HOOK3: variants seen among roughly 807,000 people sequenced by gnomAD.
HOOK3 encodes the protein protein Hook homolog 3.
In HOOK3, 24 loss-of-function variants were observed where a neutral mutation model predicts 116.3. That is an observed-to-expected ratio of 0.21 (90% confidence interval 0.15 to 0.29). The LOEUF (loss-of-function observed/expected upper bound fraction) is 0.29, where lower values mean the gene tolerates loss of function less well. Among genes scored for constraint, HOOK3 ranks in the 10% least tolerant of loss-of-function variants. The pLI, the probability that HOOK3 is intolerant of heterozygous loss-of-function variation, is 1.00. For missense variants in HOOK3, 632 were observed against 830.2 expected (o/e 0.76, Z 2.93); for synonymous variants, 275 against 283.0 (o/e 0.97, Z 0.28).
At chr8:42,946,275 C>T (rs538080662) in intron 5 of HOOK3, among the ~76,000 whole-genome samples, 7 of 152,086 alleles carry the variant, frequency 4.6e-5, no homozygotes, top group African/African-American at 1.7e-4. Context: ...AGGGGGACAG[C>T]CTGGGTTTGG....
chr8:43,028,623 A>G lies in HOOK3; in HGVS notation c.*10125A>G, dbSNP rs1809975310. On this transcript the variant is annotated 3_prime_UTR_variant, in exon 22 of 22. Transcript: ENST00000307602. ...CTTATTAACTTGTATTATGAATCAA[A>G]TTAAGTTTTATGTATAAGGCATTTA... The G allele has an allele frequency of 5.2e-6, 1 of 190,772 alleles. No homozygotes were observed. The highest frequency in any genetic ancestry group is 1.1e-5 in the Non-Finnish European group (1 of 91,160). The allele number at this position is 190,772 out of a possible 1,614,324, so 11.8% of individuals were successfully genotyped here. A position where few individuals can be genotyped will look rare whatever the true frequency, so the allele number is the denominator to read the frequency against.
chr8:42,997,911 C>T, intron 16 of HOOK3: 1 of 328,668 alleles, frequency 3.0e-6, no homozygotes, highest in South Asian at 2.9e-5. Context: ...GTGCTCAACT[C>T]AGTGTTCAAA....
In HOOK3 at chr8:42,981,549, G is replaced by A. The variant is rs189484306; in HGVS notation, c.1322-1078G>A. Among the ~76,000 whole-genome samples the A allele has an allele frequency of 5.0e-3, 755 of 152,146 alleles. 7 individuals carry two copies. Among genetic ancestry groups the A allele is most frequent in the Middle Eastern group, 0.014 (4 of 294 alleles). ...ACAGTGTGAAAGTTCAGCAATACAG[G>A]AATAGTATTCTTATTCAACTGTATA... is the stretch of plus-strand genomic sequence containing the variant. On this transcript the variant is annotated intron_variant, in intron 13 of 21. Transcript: ENST00000307602.
chr8:43,018,885 A>T lies in HOOK3; in HGVS notation c.*387A>T, dbSNP rs1032442647. ...GTGCCTGTGTGTTACCATGCTAAGA[A>T]TGTCTTTGTTTAAAGGGAATTAATC... On this transcript the variant is annotated 3_prime_UTR_variant, in exon 22 of 22. Coordinates refer to ENST00000307602, the MANE Select transcript of HOOK3 (RefSeq NM_032410.4). The T allele has an allele frequency of 1.3e-5, 3 of 230,504 alleles. No homozygotes were observed. The East Asian group carries it at 1.9e-4, about 15-fold the overall frequency. The allele number at this position is 230,504 out of a possible 1,614,324, so 14.3% of individuals were successfully genotyped here. A position where few individuals can be genotyped will look rare whatever the true frequency, so the allele number is the denominator to read the frequency against.
In HOOK3 at chr8:43,026,221, C is replaced by T. The variant is rs975831674; in HGVS notation, c.*7723C>T. The T allele has an allele frequency of 6.0e-5, 12 of 201,324 alleles. No individual in the cohort carries two copies. The East Asian group carries it at 9.3e-4, about 16-fold the overall frequency. The allele number at this position is 201,324 out of a possible 1,614,324, so 12.5% of individuals were successfully genotyped here. On this transcript the variant is annotated 3_prime_UTR_variant, in exon 22 of 22. Coordinates refer to ENST00000307602, the MANE Select transcript of HOOK3 (RefSeq NM_032410.4). ...GTCAACCCATGGGTAGTGATTACTCCGTGTACATTCTATAGTGTGTGTATT... is the reference window on the plus strand; with the variant it reads ...GTCAACCCATGGGTAGTGATTACTCTGTGTACATTCTATAGTGTGTGTATT...
At chr8:43,014,571 C>T (rs1417374476) in intron 21 of HOOK3, among the ~76,000 whole-genome samples, 3 of 151,738 alleles carry the variant, frequency 2.0e-5, no homozygotes, top group South Asian at 2.1e-4. Context: ...AGGCTGGTCT[C>T]GAACTCCTGA....
chr8:42,940,361 A>C (rs529968182), intron 4 of HOOK3, among the ~76,000 whole-genome samples: 1 of 152,352 alleles, frequency 6.6e-6, no homozygotes, highest in Non-Finnish European at 1.5e-5. Context: ...GCGCGCCCGC[A>C]ATCGCAGGCA....
At chr8:43,017,143 C>G (rs529067011) in intron 21 of HOOK3, among the ~76,000 whole-genome samples, 1 of 152,240 alleles carries the variant, frequency 6.6e-6, no homozygotes, top group Non-Finnish European at 1.5e-5. Context: ...TTCCACCTGG[C>G]TCTCCTTTTG....
chr8:42,959,838 A>G (rs947036545), intron 8 of HOOK3, among the ~76,000 whole-genome samples: 1 of 151,962 alleles, frequency 6.6e-6, no homozygotes, highest in African/African-American at 2.4e-5. Context: ...TTGACTAAAG[A>G]GGGGGACATA....
At position 43,021,222 on chromosome 8, in the gene HOOK3, C is replaced by A; in HGVS notation, c.*2724C>A. ...TTCTATTTACAGCCCCAGTCCTAAT[C>A]TCCTACCCATCCACCTACCCAGATA... On this transcript the variant is annotated 3_prime_UTR_variant, in exon 22 of 22. Coordinates refer to ENST00000307602, the MANE Select transcript of HOOK3 (RefSeq NM_032410.4). The A allele has an allele frequency of 5.2e-6, 1 of 191,016 alleles. No homozygotes were observed. The highest frequency in any genetic ancestry group is 8.3e-5 in the East Asian group (1 of 11,990). The allele number at this position is 191,016 out of a possible 1,614,324, so 11.8% of individuals were successfully genotyped here. A position where few individuals can be genotyped will look rare whatever the true frequency, so the allele number is the denominator to read the frequency against.
At chr8:43,002,945 A>G (rs2130474811) in intron 17 of HOOK3, among the ~76,000 whole-genome samples, 1 of 152,376 alleles carries the variant, frequency 6.6e-6, no homozygotes, top group East Asian at 1.9e-4. Flanking sequence ...GGTATAAAAG[A>G]TGAAGTAAAT....
chr8:42,927,106 G>A (rs1414038113), intron 3 of HOOK3, among the ~76,000 whole-genome samples: 1 of 152,190 alleles, frequency 6.6e-6, no homozygotes, highest in Non-Finnish European at 1.5e-5. Flanking sequence ...GACATGTTCA[G>A]TTTGAGTTGT....
chr8:42,929,980 T>G, intron 3 of HOOK3, 142 bp from the exon 4 acceptor site: 1 of 719,872 alleles, frequency 1.4e-6, no homozygotes, highest in East Asian at 3.2e-5. Flanking sequence ...TGATGATAAT[T>G]CAAATATGCT....
At chr8:42,903,264 C>T (rs560180356) in intron 1 of HOOK3, among the ~76,000 whole-genome samples, 1 of 151,758 alleles carries the variant, frequency 6.6e-6, no homozygotes, top group African/African-American at 2.4e-5. Context: ...CCTCTACCAC[C>T]ATAACCGTCT....
intron 1 of HOOK3, among the ~76,000 whole-genome samples, chr8:42,898,162 A>G (rs898500048): frequency 6.6e-6 from 1 of 152,250 alleles, no homozygotes; most frequent in Non-Finnish European, 1.5e-5. Context: ...GATCCTGTGC[A>G]AGGCACTTTG....
chr8:42,919,006 G>A (rs1337182577), intron 2 of HOOK3, among the ~76,000 whole-genome samples: 1 of 151,218 alleles, frequency 6.6e-6, no homozygotes, highest in Non-Finnish European at 1.5e-5. Flanking sequence ...GGGCAGAGGC[G>A]CCCCCCACCT....
rs1809770239 is a variant in HOOK3, at chr8:43,018,980, TA to T, written c.*483del. On this transcript the variant is annotated 3_prime_UTR_variant, in exon 22 of 22. Coordinates refer to ENST00000307602, the MANE Select transcript of HOOK3 (RefSeq NM_032410.4). ...CAGTTCAAATAACTTGCATATTTAC[TA>T]TACAAAATGGTTGACAAGTGTTCTT... 1 of 211,242 alleles carries T rather than the reference TA, an allele frequency of 4.7e-6. No homozygotes were observed. Among genetic ancestry groups the T allele is most frequent in the Non-Finnish European group, 9.6e-6 (1 of 104,048 alleles). The allele number at this position is 211,242 out of a possible 1,614,324, so 13.1% of individuals were successfully genotyped here.
At chr8:42,924,921 C>T (rs973755396) in intron 2 of HOOK3, among the ~76,000 whole-genome samples, 2 of 150,252 alleles carry the variant, frequency 1.3e-5, no homozygotes, top group Non-Finnish European at 3.0e-5. Context: ...TGCAGTGAGC[C>T]GAGATCACAC....
chr8:43,008,508 G>A (rs148135803), intron 18 of HOOK3, among the ~76,000 whole-genome samples: 4,671 of 151,642 alleles, frequency 0.031, 257 homozygotes, highest in African/African-American at 0.11. Context: ...TTGTAGAGAC[G>A]GGATTTTGCC....
Sources: allele counts gnomAD v4.1 joint callset (sites outside exome capture counted in the v4.1 genomes callset), GRCh38; gene constraint gnomAD v4.1.1; transcripts MANE v1.5; gene names NCBI Gene and HGNC (gene_info 2026-07-23, HGNC 2026-07-21).